The following TSGA10 variants were observed in gnomAD, a reference collection of about 807,000 sequenced individuals.
TSGA10 encodes testis-specific gene 10 protein.
A neutral mutation model predicts 96.6 loss-of-function variants in TSGA10; 43 were observed. The ratio of observed to expected loss-of-function variants is 0.44; its 90% CI spans 0.35 to 0.57. TSGA10 has a LOEUF of 0.57. Ranked by LOEUF, TSGA10 falls within the 20% of genes least tolerant of loss-of-function variation. The pLI is 0.01. For synonymous variants in TSGA10, 229 were observed against 269.9 expected (o/e 0.85, Z 1.48); for missense variants, 703 against 834.4 (o/e 0.84, Z 1.94).
chr2:99,092,489 C>T (rs1381488201), intron 10 of TSGA10, among the ~76,000 whole-genome samples: 1 of 151,866 alleles, frequency 6.6e-6, no homozygotes, highest in African/African-American at 2.4e-5. Flanking sequence ...CATCAAAAAG[C>T]CAGTTCTTTG....
At chr2:99,091,577 T>A (rs1465814156) in intron 10 of TSGA10, among the ~76,000 whole-genome samples, 1 of 151,848 alleles carries the variant, frequency 6.6e-6, no homozygotes, top group Non-Finnish European at 1.5e-5. Context: ...CACATAAGAA[T>A]CCACATAAAC....
At chr2:99,006,588 C>A (rs1314924958) in intron 20 of TSGA10, among the ~76,000 whole-genome samples, 4 of 152,172 alleles carry the variant, frequency 2.6e-5, no homozygotes, top group Non-Finnish European at 5.9e-5. Flanking sequence ...ATCAAAACCA[C>A]AATGAGATAC....
At chr2:99,151,437 T>C (rs1210225890) in intron 1 of TSGA10, 1 of 115,734 alleles carries the variant, frequency 8.6e-6, no homozygotes, top group Non-Finnish European at 1.6e-5. Flanking sequence ...TACTCCAGCC[T>C]GGGCAACAAG....
chr2:99,100,900 C>T (rs1421168512), intron 10 of TSGA10, among the ~76,000 whole-genome samples: 1 of 138,520 alleles, frequency 7.2e-6, no homozygotes, highest in Non-Finnish European at 1.5e-5. Flanking sequence ...CCTTCATGAT[C>T]TTAAGGTACA....
chr2:99,038,136 G>A (rs1573711257), intron 16 of TSGA10, among the ~76,000 whole-genome samples: 1 of 151,936 alleles, frequency 6.6e-6, no homozygotes, highest in African/African-American at 2.4e-5. Context: ...TCAGCACTAT[G>A]AGAACTGCTG....
At chr2:99,046,685 A>C (rs1409699635) in intron 16 of TSGA10, among the ~76,000 whole-genome samples, 1 of 152,214 alleles carries the variant, frequency 6.6e-6, no homozygotes, top group East Asian at 1.9e-4. Flanking sequence ...GAGCAAACAC[A>C]TTCAAAAGCT....
intron 16 of TSGA10, among the ~76,000 whole-genome samples, chr2:99,049,559 A>G (rs1349758603): frequency 6.6e-6 from 1 of 152,084 alleles, no homozygotes; most frequent in African/African-American, 2.4e-5. Context: ...GGAGGGGAAC[A>G]TCACACACCG....
intron 13 of TSGA10, among the ~76,000 whole-genome samples, chr2:99,072,497 G>A (rs552014820): frequency 3.6e-4 from 55 of 152,054 alleles, no homozygotes; most frequent in Non-Finnish European, 5.9e-4. Flanking sequence ...CCAGAAACTT[G>A]GCATTTTCCT....
At chr2:99,087,420 C>T (rs537115552) in intron 10 of TSGA10, among the ~76,000 whole-genome samples, 43 of 151,156 alleles carry the variant, frequency 2.8e-4, no homozygotes, top group Non-Finnish European at 5.5e-4. Context: ...GCAGGAGAAT[C>T]GTTTGAACCC....
At chr2:99,005,383 C>T (rs2078370782) in intron 20 of TSGA10, among the ~76,000 whole-genome samples, 1 of 152,138 alleles carries the variant, frequency 6.6e-6, no homozygotes, top group African/African-American at 2.4e-5. Context: ...GATTGTATAT[C>T]TAGAAAACCC....
chr2:99,147,356 T>G, intron 1 of TSGA10: 1 of 1,043,450 alleles, frequency 9.6e-7, no homozygotes, highest in Non-Finnish European at 1.5e-6. Context: ...TTTCTCCAGA[T>G]TGATTTATCT....
intron 20 of TSGA10, among the ~76,000 whole-genome samples, chr2:99,001,135 T>C (rs997045489): frequency 2.6e-5 from 4 of 152,160 alleles, no homozygotes; most frequent in African/African-American, 7.2e-5. Context: ...TCTCCCAGCA[T>C]GGAGTTTGAG....
chr2:99,122,277 CTT>C (rs1235740757), intron 2 of TSGA10, among the ~76,000 whole-genome samples: 10 of 151,926 alleles, frequency 6.6e-5, no homozygotes, highest in South Asian at 2.1e-4. Flanking sequence ...GAGTGTAACT[CTT>C]GTTTGATCTT....
chr2:99,053,617 C>G (rs2083641701), intron 16 of TSGA10, among the ~76,000 whole-genome samples: 2 of 152,044 alleles, frequency 1.3e-5, no homozygotes, highest in South Asian at 4.1e-4. Context: ...AAGGTATGTA[C>G]CTCAACACAA....
intron 16 of TSGA10, among the ~76,000 whole-genome samples, chr2:99,049,330 C>T (rs147257273): frequency 0.015 from 2,258 of 152,272 alleles, 75 homozygotes; most frequent in African/African-American, 0.051. Flanking sequence ...GGAACCAACT[C>T]AAATGTCCAT....
intron 1 of TSGA10, among the ~76,000 whole-genome samples, chr2:99,133,364 T>C (rs1306382413): frequency 6.6e-6 from 1 of 152,202 alleles, no homozygotes. Flanking sequence ...TGTTTTGATC[T>C]TTGTTGGTTT....
At chr2:99,147,082 TG>T (rs2093639874) in intron 1 of TSGA10, 1 of 177,034 alleles carries the variant, frequency 5.6e-6, no homozygotes, top group Non-Finnish European at 1.2e-5. Flanking sequence ...GTTACAGCTC[TG>T]TCATATTCTA....
chr2:99,071,784 G>C lies in TSGA10; in HGVS notation c.1029C>G (p.Ile343Met), dbSNP rs201454978. 3.1e-6 allele frequency: 5 copies of C among 1,613,770 alleles called. No homozygotes were observed. The African/African-American group carries it at 5.3e-5, about 17-fold the overall frequency. ...LDETNDELAQ[I>M]ARERDILAHD... ...GAGCCAAGATATCTCTTTCCCTGGC[G>C]ATCTGGGCCAGCTCATCATTTGTCT... Residue 343 changes from isoleucine (I) to methionine (M), a missense_variant, in exon 14 of 21, where the codon ATC becomes ATG. Ile to Met is a conservative substitution (Grantham distance 10). Around this residue, in one of 3 missense-constraint regions of TSGA10, gnomAD observed 585 missense variants for 656.8 expected, o/e 0.89. Coordinates refer to ENST00000393483, the MANE Select transcript of TSGA10 (RefSeq NM_025244.4).
At chr2:99,041,880 C>T (rs1254589897) in intron 16 of TSGA10, among the ~76,000 whole-genome samples, 1 of 151,244 alleles carries the variant, frequency 6.6e-6, no homozygotes, top group South Asian at 2.1e-4. Context: ...TCAGAGTAAA[C>T]AGACAGCCCC....
Sources: allele counts gnomAD v4.1 joint callset (sites outside exome capture counted in the v4.1 genomes callset), GRCh38; gene constraint gnomAD v4.1.1; regional missense constraint gnomAD v4.1.1; transcripts MANE v1.5; gene names NCBI Gene and HGNC (gene_info 2026-07-23, HGNC 2026-07-21).